The following NAALADL2 variants were observed in gnomAD, a reference collection of about 807,000 sequenced individuals.
The protein encoded by NAALADL2 is inactive N-acetylated-alpha-linked acidic dipeptidase-like protein 2.
In NAALADL2, 76 loss-of-function variants were observed where a neutral mutation model predicts 87.2. That is an observed-to-expected ratio of 0.87 (90% CI 0.72 to 1.05). The LOEUF is 1.05. Ranked by LOEUF, NAALADL2 falls within the 50% of genes least tolerant of loss-of-function variation. The pLI is 0.00. For synonymous variants in NAALADL2, 354 were observed against 331.0 expected, an observed-to-expected ratio of 1.07 and a Z score of -0.75; for missense variants, 1,089 against 945.8, an observed-to-expected ratio of 1.15 and a Z score of -1.99.
intron 1 of NAALADL2, chr3:174,540,660 A>G (rs1012003371): frequency 2.0e-5 from 3 of 152,202 alleles, no homozygotes; most frequent in Admixed American, 6.5e-5. Flanking sequence ...TGTCTCTACA[A>G]TGGGGCATAA....
intron 9 of NAALADL2, among the ~76,000 whole-genome samples, chr3:175,478,416 A>G (rs1016157083): frequency 6.6e-6 from 1 of 151,894 alleles, no homozygotes; most frequent in Non-Finnish European, 1.5e-5. Context: ...GCATCCCTCC[A>G]GTTTACTACT....
chr3:175,691,582 C>A (rs1396964316), intron 11 of NAALADL2, among the ~76,000 whole-genome samples: 2 of 151,850 alleles, frequency 1.3e-5, no homozygotes, highest in Admixed American at 6.6e-5. Context: ...TCAATTTTTA[C>A]ATCACTAATT....
At chr3:175,384,978 A>G (rs981835852) in intron 5 of NAALADL2, among the ~76,000 whole-genome samples, 1 of 152,068 alleles carries the variant, frequency 6.6e-6, no homozygotes, top group Non-Finnish European at 1.5e-5. Flanking sequence ...TGTTGAACAG[A>G]CTTCGGCCAA....
At chr3:175,784,220 A>G (rs1478078602) in intron 13 of NAALADL2, among the ~76,000 whole-genome samples, 2 of 149,460 alleles carry the variant, frequency 1.3e-5, no homozygotes, top group Non-Finnish European at 3.0e-5. Context: ...GGCCTCATAA[A>G]ATGAGTTAGG....
intron 13 of NAALADL2, among the ~76,000 whole-genome samples, chr3:175,755,757 C>G (rs953004715): frequency 4.0e-5 from 6 of 150,286 alleles, no homozygotes; most frequent in African/African-American, 5.0e-5. Flanking sequence ...GGGGATAGAC[C>G]CATGCTATTT....
At chr3:174,960,675 A>C (rs1741845514) in intron 1 of NAALADL2, among the ~76,000 whole-genome samples, 1 of 152,046 alleles carries the variant, frequency 6.6e-6, no homozygotes, top group African/African-American at 2.4e-5. Flanking sequence ...AAAATCTTTG[A>C]TGGTATTGAG....
intron 1 of NAALADL2, among the ~76,000 whole-genome samples, chr3:174,994,618 CAG>C (rs1414358701): frequency 1.3e-5 from 2 of 151,666 alleles, no homozygotes; most frequent in African/African-American, 2.4e-5. Context: ...GTCAACAAAA[CAG>C]AGTGTAATAA....
At chr3:175,650,057 C>CAAAAA (rs11458935) in intron 11 of NAALADL2, among the ~76,000 whole-genome samples, 19 of 120,396 alleles carry the variant, frequency 1.6e-4, no homozygotes, top group South Asian at 1.1e-3. Flanking sequence ...AACCCCACAC[C>CAAAAA]AAAAAAAAAA....
intron 5 of NAALADL2, among the ~76,000 whole-genome samples, chr3:175,444,457 G>T (rs1470732806): frequency 6.6e-6 from 1 of 152,050 alleles, no homozygotes; most frequent in Non-Finnish European, 1.5e-5. Flanking sequence ...AGCCTCCTAT[G>T]GTCTGAAAAT....
intron 6 of NAALADL2, among the ~76,000 whole-genome samples, chr3:175,456,304 C>A (rs1722308778): frequency 6.6e-6 from 1 of 151,926 alleles, no homozygotes; most frequent in Non-Finnish European, 1.5e-5. Context: ...GCTCTGACAC[C>A]CCTCACCCTA....
chr3:174,732,483 C>A (rs748295623), intron 2 of NAALADL2, among the ~76,000 whole-genome samples: 14 of 151,782 alleles, frequency 9.2e-5, no homozygotes, highest in East Asian at 1.9e-4. Flanking sequence ...TAACAAATAT[C>A]ATTTATTAAC....
intron 5 of NAALADL2, among the ~76,000 whole-genome samples, chr3:175,343,558 C>T (rs1762782672): frequency 6.6e-6 from 1 of 150,646 alleles, no homozygotes; most frequent in Non-Finnish European, 1.5e-5. Context: ...ATCTGCATTT[C>T]TTTGGTGATT....
At chr3:175,758,834 T>C (rs1368520362) in intron 13 of NAALADL2, among the ~76,000 whole-genome samples, 1 of 152,082 alleles carries the variant, frequency 6.6e-6, no homozygotes, top group Admixed American at 6.6e-5. Context: ...GTTATTCACA[T>C]AAGAATCTCA....
chr3:174,487,074 G>T (rs1162842833), intron 1 of NAALADL2, among the ~76,000 whole-genome samples: 1 of 151,904 alleles, frequency 6.6e-6, no homozygotes, highest in Admixed American at 6.6e-5. Flanking sequence ...ATGCTTAGAC[G>T]ATGGAAGCTG....
intron 1 of NAALADL2, among the ~76,000 whole-genome samples, chr3:175,003,344 C>T (rs1369041153): frequency 6.6e-6 from 1 of 151,532 alleles, no homozygotes; most frequent in Non-Finnish European, 1.5e-5. Flanking sequence ...GTGGTGAGAC[C>T]ATGTCTCTAC....
intron 11 of NAALADL2, among the ~76,000 whole-genome samples, chr3:175,647,562 C>G (rs1178281668): frequency 6.6e-6 from 1 of 152,042 alleles, no homozygotes; most frequent in Non-Finnish European, 1.5e-5. Context: ...TCAAGAGTCT[C>G]TTAGATAGAG....
At position 175,052,936 on chromosome 3, in the gene NAALADL2, G is replaced by A. The variant is rs556622107; in HGVS notation, c.44-43854G>A. Among the ~76,000 whole-genome samples the A allele has an allele frequency of 1.7e-4, 26 of 152,250 alleles. No individual in the cohort carries two copies. The South Asian group carries it at 3.5e-3, about 21-fold the overall frequency. On this transcript the variant is annotated intron_variant, in intron 1 of 13. Coordinates refer to ENST00000454872, the MANE Select transcript of NAALADL2 (RefSeq NM_207015.3). ...CAGACCAGCTTAACATAGTGTGGCC[G>A]TGGCATGCAAACCGAGAGGTGCAAT...
intron 2 of NAALADL2, among the ~76,000 whole-genome samples, chr3:175,168,613 T>C (rs971646311): frequency 1.4e-5 from 2 of 145,610 alleles, no homozygotes; most frequent in African/African-American, 5.6e-5. Context: ...TTCTAAATTA[T>C]TCATGTAATT....
chr3:174,586,422 C>T (rs139936719), intron 2 of NAALADL2, among the ~76,000 whole-genome samples: 3 of 152,300 alleles, frequency 2.0e-5, no homozygotes, highest in Non-Finnish European at 4.4e-5. Context: ...TGGACTCCTG[C>T]TAACTTCAGT....
Sources: gnomAD v4.1 joint callset for allele counts (sites outside exome capture counted in the v4.1 genomes callset) on GRCh38, gnomAD v4.1.1 for gene constraint, MANE v1.5 for transcripts, NCBI Gene and HGNC (gene_info 2026-07-23, HGNC 2026-07-21) for gene names.